WWP2: variants seen among roughly 807,000 people sequenced by gnomAD.
WWP2 encodes WW domain containing E3 ubiquitin protein ligase 2, also known as NEDD4-like E3 ubiquitin-protein ligase WWP2.
Under a neutral mutation model 121.0 loss-of-function variants are expected in WWP2, and 57 were observed. That is an observed-to-expected ratio of 0.47 (90% CI 0.38 to 0.59). The LOEUF (loss-of-function observed/expected upper bound fraction) is 0.59, where lower values mean the gene tolerates loss of function less well. WWP2 is among the 20% of genes least tolerant of loss of function. WWP2 has a pLI of 0.00. For synonymous variants in WWP2, 449 were observed against 441.3 expected (o/e 1.02, Z -0.22); for missense variants, 962 against 1,158.9 (o/e 0.83, Z 2.47).
In WWP2 at chr16:69,939,998, T is replaced by A; in HGVS notation, c.*58T>A. The A allele has an allele frequency of 6.9e-7, 1 of 1,448,546 alleles. No homozygotes were observed. Among genetic ancestry groups the A allele is most frequent in the Non-Finnish European group, 9.5e-7 (1 of 1,051,538 alleles). The allele number at this position is 1,448,546 out of a possible 1,614,324, so 89.7% of individuals were successfully genotyped here. A position where few individuals can be genotyped will look rare whatever the true frequency, so the allele number is the denominator to read the frequency against. ...CATGTAGTCCTGAGTCCTCCCTGCCTGAGAGGCCACTGGCCCCGCAGCCCT... is the reference window on the plus strand; with the variant it reads ...CATGTAGTCCTGAGTCCTCCCTGCCAGAGAGGCCACTGGCCCCGCAGCCCT... On this transcript the variant is annotated 3_prime_UTR_variant, in exon 24 of 24. Coordinates refer to ENST00000359154, the MANE Select transcript of WWP2 (RefSeq NM_001270454.2).
rs540681553 is a variant in WWP2 at position 69,886,017 on chromosome 16, G to T, written c.704-2022G>T. 2.0e-5 allele frequency among the ~76,000 whole-genome samples: 3 copies of T among 152,328 alleles called. No individual in the cohort carries two copies. The South Asian group carries it at 6.2e-4, about 32-fold the overall frequency. On this transcript the variant is annotated intron_variant, in intron 7 of 23. Transcript: ENST00000359154. ...ATGATCGGGAAAGGGGGGTTGCCTA[G>T]AAACACTGAAGAAATGGTAGGCCTC...
chr16:69,917,939 T>G, intron 10 of WWP2, 56 bp downstream of exon 10: 1 of 1,510,426 alleles, frequency 6.6e-7, no homozygotes, highest in South Asian at 1.2e-5. Context: ...CTTGCGAATG[T>G]GCAGCCACGT....
intron 9 of WWP2, chr16:69,909,691 T>C: frequency 1.0e-6 from 1 of 985,316 alleles, no homozygotes; most frequent in Non-Finnish European, 1.2e-6. Flanking sequence ...AAGTTAAACA[T>C]GGACTTCTCA....
chr16:69,803,672 C>T (rs555410660), intron 4 of WWP2, among the ~76,000 whole-genome samples: 275 of 152,214 alleles, frequency 1.8e-3, no homozygotes, highest in Middle Eastern at 3.4e-3. Flanking sequence ...ACCTGGGAGG[C>T]GGAGGCAGGT....
intron 4 of WWP2, among the ~76,000 whole-genome samples, chr16:69,806,428 A>G (rs1393647528): frequency 6.6e-6 from 1 of 152,198 alleles, no homozygotes. Context: ...CTAATTTTAT[A>G]AAGTAAATTG....
chr16:69,879,465 A>C (rs2057787651), intron 7 of WWP2, among the ~76,000 whole-genome samples: 1 of 152,010 alleles, frequency 6.6e-6, no homozygotes, highest in African/African-American at 2.4e-5. Flanking sequence ...ACCTCATATA[A>C]GTGGATTAAC....
chr16:69,804,773 C>T (rs8044920), intron 4 of WWP2, among the ~76,000 whole-genome samples: 57,309 of 151,934 alleles, frequency 0.38, 11,029 homozygotes, highest in Admixed American at 0.49. Flanking sequence ...GTAAAGTTAA[C>T]GTAATGGGGA....
chr16:69,856,642 C>T (rs1045973990), intron 6 of WWP2, among the ~76,000 whole-genome samples: 1 of 151,806 alleles, frequency 6.6e-6, no homozygotes, highest in African/African-American at 2.4e-5. Flanking sequence ...GGTGTGGTGG[C>T]ATGTGCCTGT....
intron 6 of WWP2, among the ~76,000 whole-genome samples, chr16:69,859,943 A>G (rs2057386663): frequency 7.0e-6 from 1 of 142,600 alleles, no homozygotes; most frequent in African/African-American, 2.6e-5. Flanking sequence ...CGACATACTC[A>G]AGGGTGTGGC....
At chr16:69,913,962 C>T (rs1461540706) in intron 9 of WWP2, among the ~76,000 whole-genome samples, 1 of 151,278 alleles carries the variant, frequency 6.6e-6, no homozygotes, top group Admixed American at 6.6e-5. Context: ...ATCCCAGCTA[C>T]TCGCGAGGCT....
intron 4 of WWP2, among the ~76,000 whole-genome samples, chr16:69,835,621 A>G (rs1471627208): frequency 1.3e-5 from 2 of 152,174 alleles, no homozygotes; most frequent in African/African-American, 4.8e-5. Context: ...TTATTATAGT[A>G]TATGGCTGGG....
chr16:69,763,691 T>G (rs1422892980), intron 1 of WWP2, among the ~76,000 whole-genome samples: 1 of 152,242 alleles, frequency 6.6e-6, no homozygotes, highest in Non-Finnish European at 1.5e-5. Flanking sequence ...TTTATTGCTC[T>G]TTCTTGTTTG....
intron 8 of WWP2, among the ~76,000 whole-genome samples, chr16:69,890,284 A>G (rs569169964): frequency 1.4e-4 from 22 of 152,064 alleles, no homozygotes; most frequent in Non-Finnish European, 2.6e-4. Flanking sequence ...CACGCTACCT[A>G]ACTCCCGTCT....
intron 7 of WWP2, among the ~76,000 whole-genome samples, chr16:69,879,057 C>T (rs1052940250): frequency 6.6e-5 from 10 of 151,970 alleles, no homozygotes; most frequent in Admixed American, 6.6e-5. Flanking sequence ...AACCTCGTTG[C>T]GTTTTCTCAT....
At chr16:69,802,521 A>G (rs1449740903) in intron 4 of WWP2, among the ~76,000 whole-genome samples, 2 of 151,550 alleles carry the variant, frequency 1.3e-5, no homozygotes, top group Admixed American at 6.6e-5. Context: ...TTGTCCTTTT[A>G]TGACTGGCTT....
At chr16:69,777,368 T>G (rs2055557352) in intron 1 of WWP2, among the ~76,000 whole-genome samples, 1 of 152,074 alleles carries the variant, frequency 6.6e-6, no homozygotes, top group South Asian at 2.1e-4. Flanking sequence ...TGGTGCGGTC[T>G]TGGCTTATTG....
At chr16:69,884,167 C>T (rs1426333415) in intron 7 of WWP2, among the ~76,000 whole-genome samples, 1 of 152,216 alleles carries the variant, frequency 6.6e-6, no homozygotes, top group African/African-American at 2.4e-5. Context: ...TGTGTATGCA[C>T]ACAAACTCAC....
At chr16:69,847,084 T>C (rs2057095433) in intron 6 of WWP2, among the ~76,000 whole-genome samples, 2 of 145,282 alleles carry the variant, frequency 1.4e-5, no homozygotes, top group African/African-American at 5.2e-5. Context: ...TTATTATTTA[T>C]TTATTTATTT....
At chr16:69,910,477 C>G (rs1397712254) in intron 9 of WWP2, 5 of 547,672 alleles carry the variant, frequency 9.1e-6, no homozygotes, top group Non-Finnish European at 9.3e-6. Context: ...GGTGCAATCT[C>G]CAGCTCACTG....
Sources: allele counts gnomAD v4.1 joint callset (sites outside exome capture counted in the v4.1 genomes callset), GRCh38; gene constraint gnomAD v4.1.1; transcripts MANE v1.5; gene names NCBI Gene and HGNC (gene_info 2026-07-23, HGNC 2026-07-21).